L3MBTL4: variants seen among roughly 807,000 people sequenced by gnomAD.
L3MBTL4 encodes lethal(3)malignant brain tumor-like protein 4.
A neutral mutation model predicts 84.5 loss-of-function variants in L3MBTL4; 70 were observed. The ratio of observed to expected loss-of-function variants is 0.83; its 90% CI spans 0.68 to 1.01. L3MBTL4 has a LOEUF of 1.01. Ranked by LOEUF, L3MBTL4 falls within the 50% of genes least tolerant of loss-of-function variation. The pLI is 0.00. For missense variants in L3MBTL4, 715 were observed against 754.8 expected (o/e 0.95, Z 0.62); for synonymous variants, 274 against 259.8 (o/e 1.05, Z -0.52).
chr18:6,039,064 C>A (rs1188250443), intron 16 of L3MBTL4, among the ~76,000 whole-genome samples: 1 of 152,058 alleles, frequency 6.6e-6, no homozygotes, highest in South Asian at 2.1e-4. Context: ...CAGCCCCATG[C>A]ATACACATAC....
At chr18:6,284,746 T>G (rs1296144263) in intron 4 of L3MBTL4, among the ~76,000 whole-genome samples, 1 of 152,192 alleles carries the variant, frequency 6.6e-6, no homozygotes, top group African/African-American at 2.4e-5. Context: ...TATGATCCCA[T>G]GCTGAAGCCA....
At chr18:5,961,530 CA>C (rs2095263294) in intron 17 of L3MBTL4, among the ~76,000 whole-genome samples, 1 of 152,186 alleles carries the variant, frequency 6.6e-6, no homozygotes, top group African/African-American at 2.4e-5. Flanking sequence ...GCTACAAATA[CA>C]TTCATGAGTC....
At chr18:6,163,290 TGTGTGTGTGTGTGTGTGGGTGG>T (rs1568231475) in intron 13 of L3MBTL4, among the ~76,000 whole-genome samples, 2 of 126,536 alleles carry the variant, frequency 1.6e-5, no homozygotes, top group Non-Finnish European at 3.2e-5. Context: ...TGTGTGTGTG[TGTGTGTGTGTGTGTGTGGGTGG>T]GTGTGTATTT....
intron 1 of L3MBTL4, among the ~76,000 whole-genome samples, chr18:6,393,090 T>G (rs1485002604): frequency 6.6e-6 from 1 of 151,428 alleles, no homozygotes; most frequent in East Asian, 1.9e-4. Flanking sequence ...AAAAAAAAAT[T>G]TTAACTATAA....
intron 16 of L3MBTL4, among the ~76,000 whole-genome samples, chr18:6,024,811 A>G (rs1414953097): frequency 2.6e-5 from 4 of 152,206 alleles, no homozygotes; most frequent in Non-Finnish European, 5.9e-5. Context: ...AAAGACCCTC[A>G]TATTCAGTTT....
At chr18:6,052,667 A>G (rs1439153961) in intron 16 of L3MBTL4, among the ~76,000 whole-genome samples, 1 of 152,246 alleles carries the variant, frequency 6.6e-6, no homozygotes, top group African/African-American at 2.4e-5. Flanking sequence ...GTATTTTTCC[A>G]TCTAATCTTC....
chr18:6,203,044 G>A (rs1231551504), intron 12 of L3MBTL4, among the ~76,000 whole-genome samples: 1 of 152,178 alleles, frequency 6.6e-6, no homozygotes, highest in Non-Finnish European at 1.5e-5. Context: ...GATGCCTGCT[G>A]GGCACTTCAT....
At chr18:6,359,901 A>G (rs1349506317) in intron 1 of L3MBTL4, among the ~76,000 whole-genome samples, 1 of 152,136 alleles carries the variant, frequency 6.6e-6, no homozygotes, top group African/African-American at 2.4e-5. Flanking sequence ...TATGAATTGG[A>G]AAGTCATGGT....
intron 13 of L3MBTL4, among the ~76,000 whole-genome samples, chr18:6,143,658 A>T (rs2060259629): frequency 6.6e-6 from 1 of 152,204 alleles, no homozygotes; most frequent in Non-Finnish European, 1.5e-5. Flanking sequence ...CTCAGCTCTA[A>T]ATCACTTTTT....
chr18:6,178,067 G>A (rs187639216), intron 12 of L3MBTL4, among the ~76,000 whole-genome samples: 37 of 151,904 alleles, frequency 2.4e-4, no homozygotes, highest in Admixed American at 2.0e-3. Flanking sequence ...CTGGGAATCC[G>A]ACTGCAGAAT....
At chr18:6,401,916 A>G (rs1599922954) in intron 1 of L3MBTL4, among the ~76,000 whole-genome samples, 1 of 152,210 alleles carries the variant, frequency 6.6e-6, no homozygotes, top group Non-Finnish European at 1.5e-5. Context: ...GGCCGCTGTG[A>G]CCTCAATCCA....
intron 1 of L3MBTL4, among the ~76,000 whole-genome samples, chr18:6,358,794 C>A (rs2053554843): frequency 6.6e-6 from 1 of 152,216 alleles, no homozygotes; most frequent in South Asian, 2.1e-4. Context: ...GGCCAGTTCC[C>A]TGAAGCAAGG....
chr18:6,239,951 A>G, intron 8 of L3MBTL4, 79 bp from the exon 9 acceptor site: 1 of 1,487,844 alleles, frequency 6.7e-7, no homozygotes, highest in Non-Finnish European at 9.3e-7. Context: ...CAAAACTTCT[A>G]TGTTTAGCAA....
chr18:5,982,059 T>C (rs1044908132), intron 16 of L3MBTL4, among the ~76,000 whole-genome samples: 5 of 151,180 alleles, frequency 3.3e-5, no homozygotes, highest in African/African-American at 9.8e-5. Context: ...AATGTTTAAA[T>C]GGCAGGAACA....
chr18:6,248,417 G>A (rs1219429784), intron 5 of L3MBTL4, among the ~76,000 whole-genome samples: 1 of 152,058 alleles, frequency 6.6e-6, no homozygotes, highest in African/African-American at 2.4e-5. Flanking sequence ...ATACAATTGA[G>A]TTCAAATTTG....
intron 4 of L3MBTL4, among the ~76,000 whole-genome samples, chr18:6,296,973 T>C (rs1175963021): frequency 6.6e-6 from 1 of 152,162 alleles, no homozygotes; most frequent in Non-Finnish European, 1.5e-5. Context: ...AGAAGCAGAC[T>C]GAACACTGGG....
chr18:6,252,856 A>G (rs1457918097), intron 5 of L3MBTL4, among the ~76,000 whole-genome samples: 1 of 152,258 alleles, frequency 6.6e-6, no homozygotes, highest in African/African-American at 2.4e-5. Flanking sequence ...TCTGTCAATT[A>G]TTAAGAATCT....
In L3MBTL4 at chr18:6,241,371, C is replaced by A; in HGVS notation, c.539G>T (p.Arg180Ile). The change falls in exon 8 of 19, where the codon AGA becomes ATA. Residue 180 changes from arginine (R) to isoleucine (I), a missense_variant. Coordinates refer to ENST00000317931, the MANE Select transcript of L3MBTL4 (RefSeq NM_001330559.2). ...GAAAATACTTACAGGACTTCTGTTT[C>A]TGAATAATTTCTTTGGAGCATTTTG... ...KLQNAPKKLF[R>I]NRSPNGPMSK... 6.3e-7 allele frequency: 1 copy of A among 1,584,714 alleles called. No individual in the cohort carries two copies. Among genetic ancestry groups the A allele is most frequent in the Non-Finnish European group, 8.6e-7 (1 of 1,158,654 alleles).
At position 6,071,704 on chromosome 18, in the gene L3MBTL4, A is replaced by AGAAG. The variant is rs1568065996; in HGVS notation, c.1444+9176_1444+9177insCTTC. ...AAGAGAGAAAGAAAGAAAGAAAGAA[A>AGAAG]GAAAGAAAGAAGGAAAGAAAGAAGG... On this transcript the variant is annotated intron_variant, in intron 16 of 18. Coordinates refer to ENST00000317931, the MANE Select transcript of L3MBTL4 (RefSeq NM_001330559.2). Among the ~76,000 whole-genome samples the AGAAG allele has an allele frequency of 5.3e-3, 576 of 108,580 alleles. 4 individuals are homozygous for AGAAG. Among genetic ancestry groups the AGAAG allele is most frequent in the African/African-American group, 0.013 (210 of 16,468 alleles). 71.2% of individuals were successfully genotyped at this position (108,580 alleles called of 152,430 possible).
Sources: allele counts gnomAD v4.1 joint callset (sites outside exome capture counted in the v4.1 genomes callset), GRCh38; gene constraint gnomAD v4.1.1; transcripts MANE v1.5; gene names NCBI Gene and HGNC (gene_info 2026-07-23, HGNC 2026-07-21).